The following OGFOD1 variants were observed in gnomAD, a reference collection of about 807,000 sequenced individuals.
OGFOD1 encodes the protein prolyl 3-hydroxylase OGFOD1.
A neutral mutation model predicts 67.7 loss-of-function variants in OGFOD1; 54 were observed. The observed-to-expected ratio is 0.80, with a 90% CI of 0.64 to 1.00. The LOEUF is 1.00. Among genes scored for constraint, OGFOD1 ranks in the 50% least tolerant of loss-of-function variants. The probability of loss-of-function intolerance (pLI) is 0.00; values close to 1 mark genes in which losing one functional copy is unlikely to be tolerated. For synonymous variants in OGFOD1, 221 were observed against 227.0 expected (o/e 0.97, Z 0.24); for missense variants, 606 against 646.7 (o/e 0.94, Z 0.68).
At chr16:56,461,414 A>G (rs1457327287) in intron 3 of OGFOD1, among the ~76,000 whole-genome samples, 1 of 152,204 alleles carries the variant, frequency 6.6e-6, no homozygotes, top group East Asian at 1.9e-4. Flanking sequence ...CTCACCCTAT[A>G]CATCCCTTCC....
Position 56,466,908 on chromosome 16 carries a change from CTT to C in OGFOD1, c.599_600del (p.Leu200HisfsTer11). On this transcript the variant is annotated frameshift_variant, in exon 6 of 13. Coordinates refer to ENST00000566157, the MANE Select transcript of OGFOD1 (RefSeq NM_018233.4). LOFTEE classifies it high-confidence loss of function. ...TCAGCCGAAGCAGATTGTCAAGTCT[CTT>C]ATCCCTTCGTGGAACAAACTGGTTT... ...HFQPKQIVKSLIPSWNKLVFF... is the reference protein window; with the variant it reads ...HFQPKQIVKSXIPSWNKLVFF... The C allele has an allele frequency of 5.0e-6, 8 of 1,613,986 alleles. No individual in the cohort carries two copies. The highest frequency in any genetic ancestry group is 6.8e-6 in the Non-Finnish European group (8 of 1,179,886).
At chr16:56,456,745 G>A (rs1370195910) in intron 2 of OGFOD1, among the ~76,000 whole-genome samples, 3 of 152,212 alleles carry the variant, frequency 2.0e-5, no homozygotes, top group East Asian at 1.9e-4. Context: ...ATTCAGTAGA[G>A]TAAAATGCCA....
At chr16:56,452,644 G>A (rs149199252) in intron 1 of OGFOD1, among the ~76,000 whole-genome samples, 1 of 152,296 alleles carries the variant, frequency 6.6e-6, no homozygotes, top group East Asian at 1.9e-4. Context: ...GTAGAATGGG[G>A]AGAGTGATAA....
chr16:56,472,287 A>C (rs1195874501), intron 10 of OGFOD1, among the ~76,000 whole-genome samples: 8 of 152,198 alleles, frequency 5.3e-5, no homozygotes, highest in African/African-American at 1.9e-4. Flanking sequence ...GTCCAGTTCT[A>C]TTCCTTTTTT....
At chr16:56,461,354 G>T (rs1009708458) in intron 3 of OGFOD1, among the ~76,000 whole-genome samples, 2 of 152,186 alleles carry the variant, frequency 1.3e-5, no homozygotes, top group Admixed American at 1.3e-4. Flanking sequence ...TGGGAGGGTG[G>T]TGTACCTGGG....
intron 2 of OGFOD1, chr16:56,453,709 G>A (rs1236459349): frequency 1.5e-5 from 3 of 193,848 alleles, no homozygotes; most frequent in Middle Eastern, 2.0e-3. Context: ...AGGATGGAGA[G>A]AGTGATAATG....
chr16:56,453,896 A>G (rs1200909770), intron 2 of OGFOD1, among the ~76,000 whole-genome samples: 2 of 152,218 alleles, frequency 1.3e-5, no homozygotes, highest in Non-Finnish European at 2.9e-5. Flanking sequence ...TGCTCAGGCC[A>G]GAAGTAATAA....
intron 10 of OGFOD1, among the ~76,000 whole-genome samples, chr16:56,472,180 G>A (rs1963226465): frequency 6.6e-6 from 1 of 151,446 alleles, no homozygotes; most frequent in Admixed American, 6.6e-5. Flanking sequence ...ATGTTGCCCA[G>A]GCTGGTCTCA....
At chr16:56,474,993 G>C in intron 11 of OGFOD1, 43 bp downstream of exon 11, 5 of 1,605,838 alleles carry the variant, frequency 3.1e-6, no homozygotes, top group Non-Finnish European at 3.4e-6. Flanking sequence ...CCCCGTAGGA[G>C]GGGCAGTCTC....
intron 11 of OGFOD1, 69 bp downstream of exon 11, chr16:56,475,019 T>C: frequency 6.6e-7 from 1 of 1,522,380 alleles, no homozygotes; most frequent in Non-Finnish European, 9.0e-7. Flanking sequence ...AGGGACCCTT[T>C]CCAGCTGAAC....
At chr16:56,459,786 A>G (rs1052317983) in intron 3 of OGFOD1, among the ~76,000 whole-genome samples, 20 of 152,240 alleles carry the variant, frequency 1.3e-4, no homozygotes, top group Admixed American at 6.5e-4. Context: ...CTTATTTTAA[A>G]AAGAGATACA....
At chr16:56,458,648 A>G in intron 3 of OGFOD1, 54 bp downstream of exon 3, 1 of 1,403,100 alleles carries the variant, frequency 7.1e-7, no homozygotes, top group Non-Finnish European at 1.0e-6. Flanking sequence ...CAGAGTAGTA[A>G]GTGCTTTAAA....
chr16:56,458,341 G>T lies in OGFOD1; in HGVS notation c.301-207G>T. On this transcript the variant is annotated intron_variant, in intron 2 of 12. Transcript: ENST00000566157. ...GACTATAATAACGACTTAAGTATTT[G>T]TTTAATGAATAAAGCACAGAGGGTA... is the stretch of plus-strand genomic sequence containing the variant. 4 of 574,516 alleles carry T rather than the reference G, an allele frequency of 7.0e-6. No homozygotes were observed. In the South Asian group the frequency reaches 8.1e-5, roughly 12 times the overall value. 35.6% of individuals were successfully genotyped at this position (574,516 alleles called of 1,614,324 possible).
At chr16:56,471,827 C>G (rs1190556731) in intron 10 of OGFOD1, among the ~76,000 whole-genome samples, 2 of 152,208 alleles carry the variant, frequency 1.3e-5, no homozygotes, top group African/African-American at 4.8e-5. Context: ...ACAGGGTAGC[C>G]TTTCTTTGAA....
At chr16:56,457,636 T>C (rs1366898183) in intron 2 of OGFOD1, among the ~76,000 whole-genome samples, 1 of 152,114 alleles carries the variant, frequency 6.6e-6, no homozygotes, top group African/African-American at 2.4e-5. Context: ...AATCTTCTCA[T>C]TTCTTTAAGT....
Position 56,453,331 on chromosome 16 carries a change from T to A in OGFOD1, c.223T>A (p.Phe75Ile). 1 of 1,614,158 alleles carries A rather than the reference T, an allele frequency of 6.2e-7. No homozygotes were observed. The stretch of plus-strand genomic sequence containing the variant: ...CCCAAACTTCATCCAAAGCCAAGAC[T>A]TCTTAGAAGGGCTTCAGAAGGAACT... ...VIPNFIQSQD[F>I]LEGLQKELMN... is the part of the protein sequence containing the mutation. Residue 75 changes from phenylalanine (F) to isoleucine (I), a missense_variant, in exon 2 of 13, where the codon TTC becomes ATC. Transcript: ENST00000566157.
At chr16:56,467,334 CA>C (rs1567551138) in intron 7 of OGFOD1, 41 bp downstream of exon 7, 1 of 1,603,670 alleles carries the variant, frequency 6.2e-7, no homozygotes, top group African/African-American at 1.3e-5. Context: ...GGAGCTATAG[CA>C]TATCATTTGT....
intron 2 of OGFOD1, among the ~76,000 whole-genome samples, chr16:56,456,645 T>C (rs1450359604): frequency 2.0e-5 from 3 of 152,222 alleles, no homozygotes; most frequent in African/African-American, 7.2e-5. Context: ...ACGATAGTGG[T>C]CCCATAAAGT....
chr16:56,469,467 A>G (rs371763106), intron 8 of OGFOD1, among the ~76,000 whole-genome samples: 13 of 152,276 alleles, frequency 8.5e-5, no homozygotes, highest in South Asian at 4.1e-4. Flanking sequence ...ATGAGCCACA[A>G]TGGCACTCAG....
Sources: allele counts gnomAD v4.1 joint callset (sites outside exome capture counted in the v4.1 genomes callset), GRCh38; gene constraint gnomAD v4.1.1; transcripts MANE v1.5; gene names NCBI Gene and HGNC (gene_info 2026-07-23, HGNC 2026-07-21).